SCN4A: variants seen among roughly 807,000 people sequenced by gnomAD.
The protein encoded by SCN4A is sodium voltage-gated channel alpha subunit 4, also known as sodium channel protein type 4 subunit alpha.
A neutral mutation model predicts 162.0 loss-of-function variants in SCN4A; 83 were observed. The observed-to-expected ratio is 0.51, with a 90% CI of 0.43 to 0.61. The LOEUF is 0.61. Ranked by LOEUF, SCN4A falls within the 20% of genes least tolerant of loss-of-function variation. The probability of loss-of-function intolerance (pLI) is 0.00; values close to 1 mark genes in which losing one functional copy is unlikely to be tolerated. For synonymous variants in SCN4A, 944 were observed against 985.1 expected, an observed-to-expected ratio of 0.96 and a Z score of 0.78; for missense variants, 2,196 against 2,462.5, an observed-to-expected ratio of 0.89 and a Z score of 2.29.
chr17:63,961,553 C>A, intron 10 of SCN4A, 122 bp from the exon 11 acceptor site: 2 of 707,712 alleles, frequency 2.8e-6, no homozygotes, highest in Non-Finnish European at 5.0e-6. Context: ...TCTCAACCCT[C>A]TAGCAAGGCC....
At chr17:63,952,912 A>C (rs1908959356) in intron 13 of SCN4A, among the ~76,000 whole-genome samples, 1 of 152,200 alleles carries the variant, frequency 6.6e-6, no homozygotes, top group Non-Finnish European at 1.5e-5. Flanking sequence ...CAGAGACTGG[A>C]GTGCACAGCT....
Position 63,951,574 on chromosome 17 carries a change from G to C in SCN4A, c.2703C>G (p.Asp901Glu), listed in dbSNP as rs781505982. ...CCAGCTCGAGGCTGGATGGGGGGCC[G>C]TCAGCCAGGCCCATGTGGTTCAGGA... is the stretch of plus-strand genomic sequence containing the variant. ...NHILNHMGLADGPPSSLELDH... is the reference protein window; with the variant it reads ...NHILNHMGLAEGPPSSLELDH... The change falls in exon 14 of 24, where the codon GAC becomes GAG. Residue 901 changes from aspartate to glutamate, a missense_variant. Coordinates refer to ENST00000435607, the MANE Select transcript of SCN4A (RefSeq NM_000334.4). The surrounding 1 kb of genome is among the most constrained non-coding windows in gnomAD (Gnocchi z 4.5). The C allele has an allele frequency of 6.2e-7, 1 of 1,613,932 alleles. No homozygotes were observed. Among genetic ancestry groups the C allele is most frequent in the South Asian group, 1.1e-5 (1 of 91,082 alleles).
rs1427423229 is a variant in SCN4A at position 63,964,590 on chromosome 17, C to T, written c.1330G>A (p.Ala444Thr). Reference protein sequence around the residue: ...GSFYLINLILAVVAMAYAEQN... With the variant: ...GSFYLINLILTVVAMAYAEQN... ...TCGGCATATGCCATGGCCACCACGG[C>T]CAGGATCAGATTGATGAGGTAGAAA... Residue 444 changes from alanine to threonine, a missense_variant, in exon 9 of 24, where the codon GCC (alanine) becomes ACC (threonine). Ala to Thr is a moderately conservative substitution (Grantham distance 58, BLOSUM62 0). Transcript: ENST00000435607. The T allele has an allele frequency of 9.3e-6, 15 of 1,613,862 alleles. No homozygotes were observed. The highest frequency in any genetic ancestry group is 1.3e-5 in the Non-Finnish European group (15 of 1,179,856).
rs147045299 is a variant in SCN4A at position 63,962,568 on chromosome 17, G to A, written c.1606+1104C>T. Among the ~76,000 whole-genome samples, 76 of 152,160 alleles carry A rather than the reference G, an allele frequency of 5.0e-4. 1 individual carries two copies. The highest frequency in any genetic ancestry group is 1.2e-3 in the South Asian group (6 of 4,804). ...CAGGTAAATACAATCAGTGCCTCCC[G>A]GTAAATACAATCAGTGGCTCCCATT... is the stretch of plus-strand genomic sequence containing the variant. On this transcript the variant is annotated intron_variant, in intron 10 of 23. Transcript: ENST00000435607.
intron 13 of SCN4A, among the ~76,000 whole-genome samples, chr17:63,955,003 AT>A (rs1302925995): frequency 6.6e-6 from 1 of 152,166 alleles, no homozygotes; most frequent in Non-Finnish European, 1.5e-5. Context: ...GGGCGTGAGG[AT>A]GAGGTGAAAT....
rs1425712385 is a variant in SCN4A at position 63,947,769 on chromosome 17, A to AGGGTCTG, written c.3318+114_3318+120dup. 4 of 913,688 alleles carry AGGGTCTG rather than the reference A, an allele frequency of 4.4e-6. No homozygotes were observed. In the African/African-American group the frequency reaches 6.7e-5, roughly 15 times the overall value. 56.6% of individuals were successfully genotyped at this position (913,688 alleles called of 1,614,324 possible). A position where few individuals can be genotyped will look rare whatever the true frequency, so the allele number is the denominator to read the frequency against. ...TGTCTGAGAAGGGCAGCACTGATTG[A>AGGGTCTG]GGGTCTGACTCTGGGGGTGGCCTCG... is the stretch of plus-strand genomic sequence containing the variant. On this transcript the variant is annotated intron_variant, in intron 17 of 23. Coordinates refer to ENST00000435607, the MANE Select transcript of SCN4A (RefSeq NM_000334.4).
rs113401819 is a variant in SCN4A at position 63,948,172 on chromosome 17, C to A, written c.3145-109G>T. ...GGTTCCCGGGGGTCTGCCGTGGGGG[C>A]CCAGCCCAAGGGACAGGCTGTCCGC... is the stretch of plus-strand genomic sequence containing the variant. On this transcript the variant is annotated intron_variant, in intron 16 of 23. Coordinates refer to ENST00000435607, the MANE Select transcript of SCN4A (RefSeq NM_000334.4). The A allele has an allele frequency of 3.2e-5, 27 of 854,756 alleles. 2 individuals are homozygous for A. The highest frequency in any genetic ancestry group is 1.4e-4 in the African/African-American group (8 of 57,828). The allele number at this position is 854,756 out of a possible 1,614,324, so 52.9% of individuals were successfully genotyped here.
rs1364229220 is a variant in SCN4A at position 63,971,215 on chromosome 17, G to A, written c.650C>T (p.Ala217Val). Reference sequence around the variant, plus strand: ...CCGCAGCACCCGGAAGGTCCTCAGGGCTGAGATGTTGCCCAAGTCCACAAA... The same window carrying A: ...CCGCAGCACCCGGAAGGTCCTCAGGACTGAGATGTTGCCCAAGTCCACAAA... ...TEFVDLGNIS[A>V]LRTFRVLRAL... is the part of the protein sequence containing the mutation. The change falls in exon 5 of 24, where the codon GCC (alanine) becomes GTC (valine). Residue 217 changes from alanine (A) to valine (V), a missense_variant. Transcript: ENST00000435607. The A allele has an allele frequency of 5.7e-6, 9 of 1,566,472 alleles. No individual in the cohort carries two copies. The Admixed American group carries it at 1.3e-4, about 23-fold the overall frequency.
Position 63,972,296 on chromosome 17 carries a change from C to A in SCN4A, c.392+56G>T. ...TGATAGAGGGTCTCCTGGGCCACAG[C>A]ACCCCATCTCGCCCATCCCTAACCC... On this transcript the variant is annotated intron_variant, in intron 2 of 23. Coordinates refer to ENST00000435607, the MANE Select transcript of SCN4A (RefSeq NM_000334.4). The surrounding 1 kb of genome is among the most constrained non-coding windows in gnomAD (Gnocchi z 4.3). The A allele has an allele frequency of 1.9e-6, 3 of 1,586,528 alleles. No individual in the cohort carries two copies. The highest frequency in any genetic ancestry group is 1.1e-5 in the South Asian group (1 of 89,162).
At position 63,951,935 on chromosome 17, in the gene SCN4A, T is replaced by C. The variant is rs767884373; in HGVS notation, c.2377-35A>G. 2.2e-6 allele frequency: 3 copies of C among 1,381,730 alleles called. No individual in the cohort carries two copies. In the East Asian group the frequency reaches 7.5e-5, roughly 35 times the overall value. The allele number at this position is 1,381,730 out of a possible 1,614,324, so 85.6% of individuals were successfully genotyped here. A position where few individuals can be genotyped will look rare whatever the true frequency, so the allele number is the denominator to read the frequency against. ...GGGGTCAGGGGGAGCCTCACATCAG[T>C]CCCCGGGACCCAGAGGGTGCCACCT... On this transcript the variant is annotated intron_variant, in intron 13 of 23. Transcript: ENST00000435607. This position sits in a 1 kb window ranked among gnomAD's most constrained non-coding sequence, Gnocchi z 4.5.
At position 63,959,330 on chromosome 17, in the gene SCN4A, G is replaced by A. The variant is rs1408102769; in HGVS notation, c.1954C>T (p.Leu652Phe). ...WNIFDSIIVT[L>F]SLVELGLANV... Reference sequence around the variant, plus strand: ...GCCAGGCCTAGCTCTACCAGGCTGAGGGTGACGATGATGCTGTCGAAGATA... The same window carrying A: ...GCCAGGCCTAGCTCTACCAGGCTGAAGGTGACGATGATGCTGTCGAAGATA... Residue 652 changes from leucine (L) to phenylalanine (F), a missense_variant, in exon 12 of 24, where the codon CTC becomes TTC. Coordinates refer to ENST00000435607, the MANE Select transcript of SCN4A (RefSeq NM_000334.4). The A allele has an allele frequency of 4.3e-6, 7 of 1,613,996 alleles. No homozygotes were observed. Among genetic ancestry groups the A allele is most frequent in the South Asian group, 1.1e-5 (1 of 91,086 alleles).
At chr17:63,968,694 A>C (rs935240994) in intron 5 of SCN4A, among the ~76,000 whole-genome samples, 94 of 152,320 alleles carry the variant, frequency 6.2e-4, no homozygotes, top group Non-Finnish European at 1.2e-3. Flanking sequence ...ACAGAACGCT[A>C]ATCTCCCATG....
chr17:63,949,703 G>A (rs748703671), intron 14 of SCN4A, 175 bp from the exon 15 acceptor site: 7 of 691,312 alleles, frequency 1.0e-5, no homozygotes, highest in African/African-American at 1.8e-5. Flanking sequence ...GGGGACGTAG[G>A]TGGCCCTGGT....
In SCN4A at chr17:63,944,067, C is replaced by G. The variant is rs976197210; in HGVS notation, c.3913-217G>C. On this transcript the variant is annotated intron_variant, in intron 21 of 23. Coordinates refer to ENST00000435607, the MANE Select transcript of SCN4A (RefSeq NM_000334.4). The surrounding 1 kb of genome is among the most constrained non-coding windows in gnomAD (Gnocchi z 4.3). Reference sequence around the variant, plus strand: ...AGTGGGGATCAATGCTGTCTTGCAGCCTGTTTCTGGCTACTTTTCATCAAC... The same window carrying G: ...AGTGGGGATCAATGCTGTCTTGCAGGCTGTTTCTGGCTACTTTTCATCAAC... Among the ~76,000 whole-genome samples, 3 of 152,130 alleles carry G rather than the reference C, an allele frequency of 2.0e-5. No homozygotes were observed. Among genetic ancestry groups the G allele is most frequent in the African/African-American group, 7.2e-5 (3 of 41,412 alleles).
rs541964442 is a variant in SCN4A, at chr17:63,941,231, G to A, written c.5051C>T (p.Thr1684Ile). ...CCCAGAGTCACCCAGGACCTCTTTG[G>A]TCAGGGCAAAGAGGATGTCCAGGCA... Reference protein sequence around the residue: ...IHCLDILFALTKEVLGDSGEM... With the variant: ...IHCLDILFALIKEVLGDSGEM... The change falls in exon 24 of 24, where the codon ACC becomes ATC. Residue 1684 changes from threonine to isoleucine, a missense_variant. Coordinates refer to ENST00000435607, the MANE Select transcript of SCN4A (RefSeq NM_000334.4). The surrounding 1 kb of genome is among the most constrained non-coding windows in gnomAD (Gnocchi z 6.2). 12 of 1,613,668 alleles carry A rather than the reference G, an allele frequency of 7.4e-6. No individual in the cohort carries two copies. In the South Asian group the frequency reaches 1.1e-4, roughly 15 times the overall value.
rs1199045786 is a variant in SCN4A at position 63,972,020 on chromosome 17, G to A, written c.482+116C>T. The A allele has an allele frequency of 5.7e-6, 6 of 1,049,722 alleles. No homozygotes were observed. In the African/African-American group the frequency reaches 7.8e-5, roughly 14 times the overall value. The allele number at this position is 1,049,722 out of a possible 1,614,324, so 65.0% of individuals were successfully genotyped here. On this transcript the variant is annotated intron_variant, in intron 3 of 23. Coordinates refer to ENST00000435607, the MANE Select transcript of SCN4A (RefSeq NM_000334.4). The surrounding 1 kb of genome is among the most constrained non-coding windows in gnomAD (Gnocchi z 4.3). Reference sequence around the variant, plus strand: ...CCCCAGGGACTCAAGGTGTGGATGAGGGTCACAATGACAGTGTGTCTCCCT... The same window carrying A: ...CCCCAGGGACTCAAGGTGTGGATGAAGGTCACAATGACAGTGTGTCTCCCT...
chr17:63,953,724 A>T (rs1299689059), intron 13 of SCN4A, among the ~76,000 whole-genome samples: 1 of 151,788 alleles, frequency 6.6e-6, no homozygotes, highest in Non-Finnish European at 1.5e-5. Flanking sequence ...AGAAAGAAAG[A>T]AAGTTATACA....
chr17:63,951,404 G>C lies in SCN4A; in HGVS notation c.2853+20C>G. 6.5e-7 allele frequency: 1 copy of C among 1,529,834 alleles called. No individual in the cohort carries two copies. Among genetic ancestry groups the C allele is most frequent in the South Asian group, 1.2e-5 (1 of 82,712 alleles). The allele number at this position is 1,529,834 out of a possible 1,614,324, so 94.8% of individuals were successfully genotyped here. A position where few individuals can be genotyped will look rare whatever the true frequency, so the allele number is the denominator to read the frequency against. ...GGAGAATTTGAAGCCGGGTCTGTCT[G>C]AGCCCCAGCCCCGGCTCACCTTGCT... On this transcript the variant is annotated intron_variant, in intron 14 of 23. Coordinates refer to ENST00000435607, the MANE Select transcript of SCN4A (RefSeq NM_000334.4). This position sits in a 1 kb window ranked among gnomAD's most constrained non-coding sequence, Gnocchi z 4.5.
Position 63,947,887 on chromosome 17 carries a change from C to T in SCN4A, c.3318+3G>A, listed in dbSNP as rs1299596339. ...GCTACGGGGCCAGCGTGGGGGGACT[C>T]ACATCCACGATGAGGAAGTCGAGCC... is the stretch of plus-strand genomic sequence containing the variant. On this transcript the variant is annotated splice_donor_region_variant and intron_variant, in intron 17 of 23. Coordinates refer to ENST00000435607, the MANE Select transcript of SCN4A (RefSeq NM_000334.4). 1 of 1,613,150 alleles carries T rather than the reference C, an allele frequency of 6.2e-7. No homozygotes were observed. The highest frequency in any genetic ancestry group is 1.3e-5 in the African/African-American group (1 of 75,042).
Sources: gnomAD v4.1 joint callset for allele counts (sites outside exome capture counted in the v4.1 genomes callset) on GRCh38, gnomAD v4.1.1 for gene constraint, Gnocchi (gnomAD v3.1) non-coding constraint, MANE v1.5 for transcripts, NCBI Gene and HGNC (gene_info 2026-07-23, HGNC 2026-07-21) for gene names.